SLC22A23: variants seen among roughly 807,000 people sequenced by gnomAD.
The protein encoded by SLC22A23 is ion transporter protein.
Under a neutral mutation model 61.0 loss-of-function variants are expected in SLC22A23, and 26 were observed. The ratio of observed to expected loss-of-function variants is 0.43; its 90% CI spans 0.31 to 0.59. The LOEUF (loss-of-function observed/expected upper bound fraction) is 0.59, where lower values mean the gene tolerates loss of function less well. Ranked by LOEUF, SLC22A23 falls within the 20% of genes least tolerant of loss-of-function variation. The pLI, the probability that SLC22A23 is intolerant of heterozygous loss-of-function variation, is 0.11. For synonymous variants in SLC22A23, 430 were observed against 413.9 expected (o/e 1.04, Z -0.47); for missense variants, 796 against 934.7 (o/e 0.85, Z 1.94).
At chr6:3,413,564 G>C (rs1389095702) in intron 2 of SLC22A23, among the ~76,000 whole-genome samples, 2 of 152,256 alleles carry the variant, frequency 1.3e-5, no homozygotes, top group African/African-American at 4.8e-5. Context: ...TGAGCTAGCA[G>C]ATTCTATACC....
In SLC22A23 at chr6:3,390,385, C is replaced by T. The variant is rs150047275; in HGVS notation, c.913+19803G>A. ...GATCCTGCATCCCTCTTCTCTGCCC[C>T]ACTCTCCCTCTCTCCTCCCTCCCCA... On this transcript the variant is annotated intron_variant, in intron 3 of 9. Transcript: ENST00000406686. The surrounding 1 kb of genome is among the most constrained non-coding windows in gnomAD (Gnocchi z 4.0). 1.2e-4 allele frequency among the ~76,000 whole-genome samples: 19 copies of T among 152,250 alleles called. No individual in the cohort carries two copies. In the East Asian group the frequency reaches 2.9e-3, roughly 23 times the overall value.
chr6:3,282,426 G>C, intron 9 of SLC22A23: 1 of 634,394 alleles, frequency 1.6e-6, no homozygotes. Flanking sequence ...TGTAGGATAC[G>C]ATCCAAGAGA....
intron 3 of SLC22A23, among the ~76,000 whole-genome samples, chr6:3,392,612 G>C (rs1023880964): frequency 6.6e-6 from 1 of 152,188 alleles, no homozygotes; most frequent in African/African-American, 2.4e-5. Flanking sequence ...AGTGGAGACA[G>C]AGAAATTGAG....
chr6:3,288,082 G>A lies in SLC22A23; in HGVS notation c.1314-991C>T, dbSNP rs74671366. Among the ~76,000 whole-genome samples the A allele has an allele frequency of 9.9e-3, 1,503 of 152,234 alleles. 16 individuals are homozygous for A. Among genetic ancestry groups the A allele is most frequent in the African/African-American group, 0.024 (992 of 41,522 alleles). On this transcript the variant is annotated intron_variant, in intron 6 of 9. Transcript: ENST00000406686. ...GAGCGTATCAACCTGCTGGAAAAAC[G>A]TGTCTGCCCTGAAAACAGGAACAAA...
intron 4 of SLC22A23, among the ~76,000 whole-genome samples, chr6:3,320,458 G>T (rs150111022): frequency 1.3e-5 from 2 of 152,162 alleles, no homozygotes; most frequent in Admixed American, 1.3e-4. Context: ...GCTCCTCAGA[G>T]ATACAGCACT....
rs112854482 is a variant in SLC22A23 at position 3,304,757 on chromosome 6, C to T, written c.1083-6539G>A. On this transcript the variant is annotated intron_variant, in intron 4 of 9. Transcript: ENST00000406686. The surrounding 1 kb of genome is among the most constrained non-coding windows in gnomAD (Gnocchi z 4.3). ...CTGCAGGGCAGGCCCTGTATCCCCT[C>T]GTACTGCTGGAGGTGTGTGGGGCAG... Among the ~76,000 whole-genome samples the T allele has an allele frequency of 0.042, 6,367 of 152,072 alleles. 182 individuals are homozygous for T. The highest frequency in any genetic ancestry group is 0.085 in the Middle Eastern group (25 of 294).
At chr6:3,299,493 C>A (rs748366014) in intron 4 of SLC22A23, among the ~76,000 whole-genome samples, 1 of 152,158 alleles carries the variant, frequency 6.6e-6, no homozygotes, top group Non-Finnish European at 1.5e-5. Context: ...TTTACCAAAG[C>A]GACAGAATCT....
chr6:3,297,960 T>C lies in SLC22A23; in HGVS notation c.1210+131A>G. 3 of 1,131,218 alleles carry C rather than the reference T, an allele frequency of 2.7e-6. No homozygotes were observed. Among genetic ancestry groups the C allele is most frequent in the Non-Finnish European group, 2.4e-6 (2 of 839,204 alleles). The allele number at this position is 1,131,218 out of a possible 1,614,324, so 70.1% of individuals were successfully genotyped here. A position where few individuals can be genotyped will look rare whatever the true frequency, so the allele number is the denominator to read the frequency against. ...TGTCAAGGTTGCCACATTGCCCTTG[T>C]GCAGGCCAAAAGGTCACAGGAGAAT... On this transcript the variant is annotated intron_variant, in intron 5 of 9. Coordinates refer to ENST00000406686, the MANE Select transcript of SLC22A23 (RefSeq NM_015482.2). The surrounding 1 kb of genome is among the most constrained non-coding windows in gnomAD (Gnocchi z 4.3).
At chr6:3,401,202 C>T (rs562296021) in intron 3 of SLC22A23, among the ~76,000 whole-genome samples, 10 of 152,244 alleles carry the variant, frequency 6.6e-5, no homozygotes, top group Non-Finnish European at 8.8e-5. Flanking sequence ...ATTAGCCGGG[C>T]GTGGTGGCGC....
intron 3 of SLC22A23, among the ~76,000 whole-genome samples, chr6:3,370,366 T>C (rs566808613): frequency 2.0e-5 from 3 of 152,386 alleles, no homozygotes; most frequent in Middle Eastern, 6.8e-3. Flanking sequence ...TGGGGGTGCA[T>C]GTGCCTTCCA....
At chr6:3,359,116 C>T (rs1765286448) in intron 3 of SLC22A23, among the ~76,000 whole-genome samples, 1 of 152,188 alleles carries the variant, frequency 6.6e-6, no homozygotes, top group South Asian at 2.1e-4. Flanking sequence ...AGAGACGTCC[C>T]AGAACAACAC....
intron 1 of SLC22A23, among the ~76,000 whole-genome samples, chr6:3,439,133 C>T (rs984746184): frequency 6.6e-6 from 1 of 152,128 alleles, no homozygotes; most frequent in South Asian, 2.1e-4. Flanking sequence ...CGGATCATCC[C>T]TTGTGGTGTG....
At chr6:3,379,502 A>ACTTG (rs1342213292) in intron 3 of SLC22A23, among the ~76,000 whole-genome samples, 4 of 152,164 alleles carry the variant, frequency 2.6e-5, no homozygotes, top group African/African-American at 9.7e-5. Context: ...CAGGGCTTAG[A>ACTTG]CAGGGGATTT....
At chr6:3,421,763 C>T (rs1770150498) in intron 1 of SLC22A23, among the ~76,000 whole-genome samples, 1 of 151,918 alleles carries the variant, frequency 6.6e-6, no homozygotes, top group Admixed American at 6.6e-5. Context: ...GAGGCAAAGA[C>T]AAAATCATTA....
At chr6:3,401,701 C>T (rs1256457165) in intron 3 of SLC22A23, among the ~76,000 whole-genome samples, 2 of 152,212 alleles carry the variant, frequency 1.3e-5, no homozygotes, top group Admixed American at 6.5e-5. Context: ...ACTGACCACA[C>T]AGTCGGTTCC....
At chr6:3,296,852 T>C (rs1038942362) in intron 5 of SLC22A23, among the ~76,000 whole-genome samples, 5 of 152,178 alleles carry the variant, frequency 3.3e-5, no homozygotes, top group African/African-American at 1.2e-4. Context: ...CCCGATCTTC[T>C]GAACTGGGAG....
intron 4 of SLC22A23, chr6:3,323,202 G>C: frequency 2.2e-6 from 1 of 455,856 alleles, no homozygotes; most frequent in Admixed American, 2.4e-5. Flanking sequence ...TTGAGCAGGG[G>C]TGGGCAAGCT....
In SLC22A23 at chr6:3,329,434, G is replaced by T. The variant is rs1011825365; in HGVS notation, c.914-5432C>A. 6.6e-6 allele frequency among the ~76,000 whole-genome samples: 1 copy of T among 152,152 alleles called. No homozygotes were observed. Among genetic ancestry groups the T allele is most frequent in the Admixed American group, 6.5e-5 (1 of 15,278 alleles). ...GAAATGAGAGTACAGGATTTTTCTGGACTGGAGTTGGCAAGTAACAAAGGA... is the reference window on the plus strand; with the variant it reads ...GAAATGAGAGTACAGGATTTTTCTGTACTGGAGTTGGCAAGTAACAAAGGA... On this transcript the variant is annotated intron_variant, in intron 3 of 9. Transcript: ENST00000406686. This position sits in a 1 kb window ranked among gnomAD's most constrained non-coding sequence, Gnocchi z 4.8.
rs1769563148 is a variant in SLC22A23 at position 3,414,805 on chromosome 6, C to A, written c.758+947G>T. Among the ~76,000 whole-genome samples, 2 of 151,390 alleles carry A rather than the reference C, an allele frequency of 1.3e-5. No homozygotes were observed. The highest frequency in any genetic ancestry group is 2.1e-4 in the South Asian group (1 of 4,792). On this transcript the variant is annotated intron_variant, in intron 2 of 9. Coordinates refer to ENST00000406686, the MANE Select transcript of SLC22A23 (RefSeq NM_015482.2). The surrounding 1 kb of genome is among the most constrained non-coding windows in gnomAD (Gnocchi z 5.1). ...AGTTACACTACGCCTCTCTCCTGAG[C>A]AATCTCGCTACTTGAAAAACCTGTC...
Sources: allele counts gnomAD v4.1 joint callset (sites outside exome capture counted in the v4.1 genomes callset), GRCh38; gene constraint gnomAD v4.1.1; non-coding constraint Gnocchi (gnomAD v3.1); transcripts MANE v1.5; gene names NCBI Gene and HGNC (gene_info 2026-07-23, HGNC 2026-07-21).